CEMIP: variants seen among roughly 807,000 people sequenced by gnomAD.
CEMIP encodes cell migration-inducing and hyaluronan-binding protein.
A neutral mutation model predicts 156.9 loss-of-function variants in CEMIP; 105 were observed. The ratio of observed to expected loss-of-function variants is 0.67; its 90% confidence interval spans 0.57 to 0.79. CEMIP has a LOEUF of 0.79. CEMIP is among the 30% of genes least tolerant of loss of function. The pLI is 0.00. For synonymous variants in CEMIP, 676 were observed against 668.4 expected (o/e 1.01, Z -0.17); for missense variants, 1,457 against 1,769.4 (o/e 0.82, Z 3.17).
chr15:80,924,144 T>C (rs757364710), intron 17 of CEMIP, among the ~76,000 whole-genome samples: 5 of 152,202 alleles, frequency 3.3e-5, no homozygotes, highest in Non-Finnish European at 7.3e-5. Context: ...AAAGCCAGAT[T>C]CTCTCTTCAA....
At position 80,932,185 on chromosome 15, in the gene CEMIP, T is replaced by A. The variant is rs1900943810; in HGVS notation, c.2793+146T>A. ...AACTAGGCTGGGCCATGTCCCAGTT[T>A]GCTCTTCATCCAAACTGGAAAAGTA... On this transcript the variant is annotated intron_variant, in intron 22 of 29. Coordinates refer to ENST00000394685, the MANE Select transcript of CEMIP (RefSeq NM_001293298.2). This position sits in a 1 kb window ranked among gnomAD's most constrained non-coding sequence, Gnocchi z 4.5. The A allele has an allele frequency of 1.0e-6, 1 of 957,524 alleles. No individual in the cohort carries two copies. The highest frequency in any genetic ancestry group is 2.0e-5 in the Admixed American group (1 of 50,554). 59.3% of individuals were successfully genotyped at this position (957,524 alleles called of 1,614,324 possible). A position where few individuals can be genotyped will look rare whatever the true frequency, so the allele number is the denominator to read the frequency against.
intron 14 of CEMIP, chr15:80,909,876 A>G: frequency 3.0e-6 from 1 of 335,870 alleles, no homozygotes; most frequent in Non-Finnish European, 5.9e-6. Context: ...TATCCTCTGT[A>G]AAGTTTAACA....
At chr15:80,826,434 C>T (rs1897040293) in intron 1 of CEMIP, among the ~76,000 whole-genome samples, 1 of 152,164 alleles carries the variant, frequency 6.6e-6, no homozygotes, top group African/African-American at 2.4e-5. Context: ...CCAAGAATAT[C>T]ACTTAACACT....
intron 6 of CEMIP, among the ~76,000 whole-genome samples, chr15:80,882,819 GAGA>G (rs1177047616): frequency 1.1e-4 from 16 of 152,124 alleles, no homozygotes; most frequent in Admixed American, 6.5e-5. Flanking sequence ...AAAGTCATCT[GAGA>G]AGGTTACTTA....
At chr15:80,878,664 A>T in intron 3 of CEMIP, 57 bp from the exon 4 acceptor site, 3 of 1,612,674 alleles carry the variant, frequency 1.9e-6, no homozygotes, top group Non-Finnish European at 2.5e-6. Flanking sequence ...GGCCTGTAGC[A>T]TTCTTGCTTG....
intron 12 of CEMIP, among the ~76,000 whole-genome samples, chr15:80,903,438 C>G (rs1899658561): frequency 6.6e-6 from 1 of 152,108 alleles, no homozygotes; most frequent in Non-Finnish European, 1.5e-5. Flanking sequence ...AAGCTTGCTG[C>G]AGGTAGAGGG....
At chr15:80,895,804 G>T in intron 11 of CEMIP, 65 bp from the exon 12 acceptor site, 1 of 1,497,556 alleles carries the variant, frequency 6.7e-7, no homozygotes, top group Non-Finnish European at 9.3e-7. Flanking sequence ...AGGGAAAAAA[G>T]AGGTAGCCAA....
Position 80,929,175 on chromosome 15 carries a change from G to A in CEMIP, c.2612+1G>A. 6.2e-7 allele frequency: 1 copy of A among 1,614,222 alleles called. No individual in the cohort carries two copies. Among genetic ancestry groups the A allele is most frequent in the Non-Finnish European group, 8.5e-7 (1 of 1,180,038 alleles). ...GCGGAAGGACCCTCCCTATAGGCCA[G>A]TAGGTTTGCAACCATGTAGCTCCTT... On this transcript the variant is annotated splice_donor_variant, in intron 21 of 29. Coordinates refer to ENST00000394685, the MANE Select transcript of CEMIP (RefSeq NM_001293298.2). LOFTEE classifies it high-confidence loss of function.
intron 1 of CEMIP, among the ~76,000 whole-genome samples, chr15:80,786,701 G>T (rs1895948967): frequency 6.6e-6 from 1 of 152,032 alleles, no homozygotes; most frequent in Non-Finnish European, 1.5e-5. Flanking sequence ...GTACATGGAG[G>T]ACCAGTGAGA....
chr15:80,902,773 C>A (rs1596175572), intron 12 of CEMIP, among the ~76,000 whole-genome samples: 1 of 152,256 alleles, frequency 6.6e-6, no homozygotes, highest in African/African-American at 2.4e-5. Context: ...TGCTATCTAC[C>A]AACTCCCATT....
At chr15:80,918,416 G>A (rs533479306) in intron 14 of CEMIP, among the ~76,000 whole-genome samples, 1 of 152,284 alleles carries the variant, frequency 6.6e-6, no homozygotes, top group Admixed American at 6.5e-5. Flanking sequence ...GACATTTTTG[G>A]TTGTCACAAC....
intron 3 of CEMIP, among the ~76,000 whole-genome samples, 195 bp downstream of exon 3, chr15:80,874,168 A>G (rs1034552293): frequency 2.4e-4 from 36 of 152,222 alleles, no homozygotes; most frequent in African/African-American, 8.7e-4. Flanking sequence ...CATCATCCAC[A>G]AAATGAAGGG....
At chr15:80,872,455 A>G (rs1478883785) in intron 1 of CEMIP, among the ~76,000 whole-genome samples, 6 of 147,594 alleles carry the variant, frequency 4.1e-5, no homozygotes, top group Non-Finnish European at 7.3e-5. Context: ...TTACCTAGAC[A>G]GATTCCCATA....
At position 80,906,242 on chromosome 15, in the gene CEMIP, C is replaced by T. The variant is rs933019230; in HGVS notation, c.1412-421C>T. On this transcript the variant is annotated intron_variant, in intron 12 of 29. Coordinates refer to ENST00000394685, the MANE Select transcript of CEMIP (RefSeq NM_001293298.2). This position sits in a 1 kb window ranked among gnomAD's most constrained non-coding sequence, Gnocchi z 4.3. ...CACCTGCATGGGCGAGGCTGGCCTG[C>T]CAGCCCCCAGAAAAGAGCAAGAGGA... Among the ~76,000 whole-genome samples the T allele has an allele frequency of 3.3e-5, 5 of 152,296 alleles. No individual in the cohort carries two copies. The highest frequency in any genetic ancestry group is 1.2e-4 in the African/African-American group (5 of 41,572).
chr15:80,861,324 G>A (rs1000402531), intron 1 of CEMIP, among the ~76,000 whole-genome samples: 7 of 152,054 alleles, frequency 4.6e-5, no homozygotes, highest in Middle Eastern at 3.2e-3. Context: ...CCTCCTGTCC[G>A]CCAGTGCCCC....
chr15:80,899,573 A>G (rs1405352301), intron 12 of CEMIP, among the ~76,000 whole-genome samples: 3 of 152,166 alleles, frequency 2.0e-5, no homozygotes, highest in Non-Finnish European at 4.4e-5. Context: ...CATAAAGTTG[A>G]GGGGTGCATG....
At chr15:80,940,490 T>G (rs1311109038) in intron 25 of CEMIP, among the ~76,000 whole-genome samples, 1 of 152,194 alleles carries the variant, frequency 6.6e-6, no homozygotes, top group Non-Finnish European at 1.5e-5. Flanking sequence ...ACTGCCTTCC[T>G]CCTAAGCTGC....
rs546326075 is a variant in CEMIP at position 80,813,525 on chromosome 15, T to C, written c.-176+33911T>C. On this transcript the variant is annotated intron_variant, in intron 1 of 29. Transcript: ENST00000394685. ...CACACCCAGCTGATTTTTGTATTTTTAGTAGAGACAAGGTTTCACTATGTT... is the reference window on the plus strand; with the variant it reads ...CACACCCAGCTGATTTTTGTATTTTCAGTAGAGACAAGGTTTCACTATGTT... Among the ~76,000 whole-genome samples the C allele has an allele frequency of 3.9e-5, 6 of 152,154 alleles. No homozygotes were observed. In the East Asian group the frequency reaches 7.7e-4, roughly 20 times the overall value.
intron 1 of CEMIP, among the ~76,000 whole-genome samples, chr15:80,809,423 C>A (rs138124644): frequency 6.6e-5 from 10 of 152,334 alleles, no homozygotes; most frequent in African/African-American, 2.4e-4. Context: ...TTAAATATTT[C>A]TTCAATCAAC....
Sources: allele counts gnomAD v4.1 joint callset (sites outside exome capture counted in the v4.1 genomes callset), GRCh38; gene constraint gnomAD v4.1.1; non-coding constraint Gnocchi (gnomAD v3.1); transcripts MANE v1.5; gene names NCBI Gene and HGNC (gene_info 2026-07-23, HGNC 2026-07-21).